The following PTPRC variants were observed in gnomAD, a reference collection of about 807,000 sequenced individuals.
The protein encoded by PTPRC is protein tyrosine phosphatase receptor type C.
PTPRC carries 44 observed loss-of-function variants against 155.9 expected under a neutral mutation model. The observed-to-expected ratio is 0.28, with a 90% confidence interval of 0.22 to 0.36. The LOEUF (loss-of-function observed/expected upper bound fraction) is 0.36. PTPRC is among the 10% of genes least tolerant of loss of function. The probability of loss-of-function intolerance (pLI) is 1.00; values close to 1 mark genes in which losing one functional copy is unlikely to be tolerated. For synonymous variants in PTPRC, 525 were observed against 533.1 expected, an observed-to-expected ratio of 0.98 and a Z score of 0.21; for missense variants, 1,401 against 1,564.6, an observed-to-expected ratio of 0.90 and a Z score of 1.76.
chr1:198,716,907 A>G (rs1653617666), intron 13 of PTPRC, 67 bp downstream of exon 13: 1 of 1,438,856 alleles, frequency 6.9e-7, no homozygotes. Flanking sequence ...TTTTTAGCCT[A>G]CAATATTTCT....
Position 198,702,404 on chromosome 1 carries a change from A to C in PTPRC, c.457A>C (p.Ser153Arg). The C allele has an allele frequency of 6.2e-7, 1 of 1,614,156 alleles. No homozygotes were observed. The highest frequency in any genetic ancestry group is 8.5e-7 in the Non-Finnish European group (1 of 1,180,020). Residue 153 changes from serine to arginine, a missense_variant, in exon 6 of 33, where the codon AGT becomes CGT. Transcript: ENST00000442510. ...GATTGCAGATGTCCCAGGAGAGAGG[A>C]GTACAGCCAGCACCTTTCCTACAGA... Reference protein sequence around the residue: ...NAISDVPGERSTASTFPTDPV... With the variant: ...NAISDVPGERRTASTFPTDPV...
At chr1:198,686,533 A>G (rs1321647929) in intron 2 of PTPRC, among the ~76,000 whole-genome samples, 4 of 152,190 alleles carry the variant, frequency 2.6e-5, no homozygotes, top group Non-Finnish European at 4.4e-5. Context: ...AGAAAGCTCA[A>G]TGCAGTTCTT....
Position 198,703,563 on chromosome 1 carries a change from T to C in PTPRC, c.658+191T>C, listed in dbSNP as rs1217153554. 7 of 815,178 alleles carry C rather than the reference T, an allele frequency of 8.6e-6. No individual in the cohort carries two copies. In the East Asian group the frequency reaches 1.6e-4, roughly 19 times the overall value. The allele number at this position is 815,178 out of a possible 1,614,324, so 50.5% of individuals were successfully genotyped here. ...AGTGCAACAGCTGATGAGATCAGGA[T>C]GTAATTGTTACTGTCATAATTCATC... is the stretch of plus-strand genomic sequence containing the variant. On this transcript the variant is annotated intron_variant, in intron 7 of 32. Coordinates refer to ENST00000442510, the MANE Select transcript of PTPRC (RefSeq NM_002838.5).
At chr1:198,710,106 TTTGAG>T (rs1653216861) in intron 11 of PTPRC, among the ~76,000 whole-genome samples, 1 of 152,192 alleles carries the variant, frequency 6.6e-6, no homozygotes. Flanking sequence ...TGTTACCCAC[TTTGAG>T]TTAATATTTG....
At chr1:198,693,918 G>A (rs1666063189) in intron 3 of PTPRC, 5 of 1,394,916 alleles carry the variant, frequency 3.6e-6, no homozygotes, top group Non-Finnish European at 4.7e-6. Context: ...CTATGTATTA[G>A]TCTGGGTTCT....
At position 198,754,144 on chromosome 1, in the gene PTPRC, T is replaced by C. The variant is rs1026905973; in HGVS notation, c.3510-125T>C. 13 of 1,194,612 alleles carry C rather than the reference T, an allele frequency of 1.1e-5. 1 individual carries two copies. In the African/African-American group the frequency reaches 1.2e-4, roughly 11 times the overall value. The allele number at this position is 1,194,612 out of a possible 1,614,324, so 74.0% of individuals were successfully genotyped here. A position where few individuals can be genotyped will look rare whatever the true frequency, so the allele number is the denominator to read the frequency against. On this transcript the variant is annotated intron_variant, in intron 31 of 32. Coordinates refer to ENST00000442510, the MANE Select transcript of PTPRC (RefSeq NM_002838.5). The stretch of plus-strand genomic sequence containing the variant: ...TAAATAATTTGGTTCTTGAAAGAGG[T>C]TGGAATAAGATAATTATGATAAACA...
chr1:198,655,379 A>G (rs1663503126), intron 2 of PTPRC, among the ~76,000 whole-genome samples: 1 of 152,126 alleles, frequency 6.6e-6, no homozygotes, highest in Non-Finnish European at 1.5e-5. Context: ...TTTTACAAAA[A>G]AGAAAATTGA....
intron 3 of PTPRC, chr1:198,694,971 A>T: frequency 1.0e-6 from 1 of 981,104 alleles, no homozygotes. Flanking sequence ...TTATTTGGTT[A>T]TGAAAATCTA....
intron 2 of PTPRC, chr1:198,667,093 A>G (rs939881224): frequency 1.1e-4 from 16 of 152,264 alleles, no homozygotes; most frequent in Non-Finnish European, 1.8e-4. Flanking sequence ...ATGCGTCCAC[A>G]CCTTTCATCA....
intron 2 of PTPRC, among the ~76,000 whole-genome samples, chr1:198,656,108 AAAATTT>A (rs762227624): frequency 3.9e-5 from 6 of 152,122 alleles, no homozygotes; most frequent in Admixed American, 1.3e-4. Context: ...AACTATTAGA[AAAATTT>A]AAGAAGTTTT....
chr1:198,737,377 G>GAGAT (rs1654697161), intron 23 of PTPRC, among the ~76,000 whole-genome samples: 1 of 151,594 alleles, frequency 6.6e-6, no homozygotes, highest in Non-Finnish European at 1.5e-5. Context: ...TATACAGCAA[G>GAGAT]AGATAGGGCT....
intron 25 of PTPRC, among the ~76,000 whole-genome samples, chr1:198,742,941 G>A (rs1654971085): frequency 6.6e-6 from 1 of 151,650 alleles, no homozygotes; most frequent in African/African-American, 2.4e-5. Context: ...GTGATTGTAA[G>A]TGATGGTAAT....
In PTPRC at chr1:198,756,584, G is replaced by T; in HGVS notation, c.*403G>T. 5.4e-6 allele frequency: 1 copy of T among 183,952 alleles called. No homozygotes were observed. Among genetic ancestry groups the T allele is most frequent in the Non-Finnish European group, 1.1e-5 (1 of 89,740 alleles). 11.4% of individuals were successfully genotyped at this position (183,952 alleles called of 1,614,324 possible). On this transcript the variant is annotated 3_prime_UTR_variant, in exon 33 of 33. Transcript: ENST00000442510. Reference sequence around the variant, plus strand: ...ATTAGAAGTGTTAACTTAGCTTGAAGGATCTGTTTTTAAAAATCATAAACT... The same window carrying T: ...ATTAGAAGTGTTAACTTAGCTTGAATGATCTGTTTTTAAAAATCATAAACT...
chr1:198,757,051 C>G lies in PTPRC; in HGVS notation c.*870C>G. 1 of 151,672 alleles carries G rather than the reference C, an allele frequency of 6.6e-6. No homozygotes were observed. Among genetic ancestry groups the G allele is most frequent in the Non-Finnish European group, 1.5e-5 (1 of 67,784 alleles). 9.4% of individuals were successfully genotyped at this position (151,672 alleles called of 1,614,324 possible). A position where few individuals can be genotyped will look rare whatever the true frequency, so the allele number is the denominator to read the frequency against. On this transcript the variant is annotated 3_prime_UTR_variant, in exon 33 of 33. Transcript: ENST00000442510. The stretch of plus-strand genomic sequence containing the variant: ...TTCATTGTATAAAAATAGAAGAATA[C>G]AAACATATTTGTTAAATATTTACAT...
chr1:198,756,161 G>A lies in PTPRC; in HGVS notation c.3901G>A (p.Ala1301Thr), dbSNP rs1338033198. 1 of 1,613,184 alleles carries A rather than the reference G, an allele frequency of 6.2e-7. No homozygotes were observed. The highest frequency in any genetic ancestry group is 1.7e-5 in the Admixed American group (1 of 59,858). The stretch of plus-strand genomic sequence containing the variant: ...TTCTGTCAATGGTCCTGCAAGTCCA[G>A]CTTTAAATCAAGGTTCATAGGAAAA... ...EHSVNGPASPALNQGS is the reference protein window; with the variant it reads ...EHSVNGPASPTLNQGS The change falls in exon 33 of 33, where the codon GCT becomes ACT. Residue 1301 changes from alanine to threonine, a missense_variant. By Grantham distance (58) the Ala-to-Thr change is moderately conservative (BLOSUM62 0). Coordinates refer to ENST00000442510, the MANE Select transcript of PTPRC (RefSeq NM_002838.5).
At chr1:198,662,235 T>C (rs1664008142) in intron 2 of PTPRC, among the ~76,000 whole-genome samples, 1 of 152,230 alleles carries the variant, frequency 6.6e-6, no homozygotes, top group Admixed American at 6.5e-5. Context: ...CTAGATGCTA[T>C]GTTTAATGCA....
At chr1:198,716,618 A>T in intron 12 of PTPRC, 64 bp from the exon 13 acceptor site, 1 of 1,428,528 alleles carries the variant, frequency 7.0e-7, no homozygotes, top group Non-Finnish European at 9.8e-7. Flanking sequence ...AGACCAAATT[A>T]ATTAGGTACG....
At position 198,700,099 on chromosome 1, in the gene PTPRC, G is replaced by T. The variant is rs539759054; in HGVS notation, c.439+395G>T. ...AGAGTGATTCCTATTATCAGTGAAG[G>T]GCAGTGAGAAATTGTAACCACAATG... is the stretch of plus-strand genomic sequence containing the variant. On this transcript the variant is annotated intron_variant, in intron 5 of 32. Coordinates refer to ENST00000442510, the MANE Select transcript of PTPRC (RefSeq NM_002838.5). The T allele has an allele frequency of 3.0e-4, 71 of 235,384 alleles. 1 individual carries two copies. The South Asian group carries it at 3.8e-3, about 13-fold the overall frequency. 14.6% of individuals were successfully genotyped at this position (235,384 alleles called of 1,614,324 possible).
chr1:198,737,945 T>G (rs1421393317), intron 23 of PTPRC, among the ~76,000 whole-genome samples: 1 of 151,878 alleles, frequency 6.6e-6, no homozygotes, highest in African/African-American at 2.4e-5. Flanking sequence ...ACTTTCTTGA[T>G]TTCTTTTTCA....
Sources: allele counts gnomAD v4.1 joint callset (sites outside exome capture counted in the v4.1 genomes callset), GRCh38; gene constraint gnomAD v4.1.1; transcripts MANE v1.5; gene names NCBI Gene and HGNC (gene_info 2026-07-23, HGNC 2026-07-21).